The following CCHCR1 variants were observed in gnomAD, a reference collection of about 807,000 sequenced individuals.
CCHCR1 encodes the protein coiled-coil alpha-helical rod protein 1.
Under a neutral mutation model 114.6 loss-of-function variants are expected in CCHCR1, and 91 were observed. The ratio of observed to expected loss-of-function variants is 0.79; its 90% CI spans 0.67 to 0.94. CCHCR1 has a LOEUF of 0.94. Among genes scored for constraint, CCHCR1 ranks in the 40% least tolerant of loss-of-function variants. The probability of loss-of-function intolerance (pLI) is 0.00; values close to 1 mark genes in which losing one functional copy is unlikely to be tolerated. For missense variants in CCHCR1, 899 were observed against 1,079.9 expected (o/e 0.83, Z 2.35); for synonymous variants, 379 against 428.5 (o/e 0.88, Z 1.43).
chr6:31,143,033 G>C lies in CCHCR1; in HGVS notation c.2421C>G (p.Ser807Arg). Residue 807 changes from serine (S) to arginine (R), a missense_variant, in exon 17 of 18, where the codon AGC becomes AGG. By Grantham distance (110) the Ser-to-Arg change is moderately radical. Transcript: ENST00000396268. The surrounding 1 kb of genome is among the most constrained non-coding windows in gnomAD (Gnocchi z 5.3). ...ATGCTGAACACTCTGGAGGCCTGGGGCTGGACACCACAGATTTCTTCTTAT... is the reference window on the plus strand; with the variant it reads ...ATGCTGAACACTCTGGAGGCCTGGGCCTGGACACCACAGATTTCTTCTTAT... ...LLDKKKSVVS[S>R]PRPPECSASA... The C allele has an allele frequency of 6.2e-7, 1 of 1,613,068 alleles. No individual in the cohort carries two copies. Among genetic ancestry groups the C allele is most frequent in the Non-Finnish European group, 8.5e-7 (1 of 1,180,022 alleles).
chr6:31,145,719 A>T lies in CCHCR1; in HGVS notation c.1670T>A (p.Val557Asp). 1 of 1,613,696 alleles carries T rather than the reference A, an allele frequency of 6.2e-7. No homozygotes were observed. Among genetic ancestry groups the T allele is most frequent in the Non-Finnish European group, 8.5e-7 (1 of 1,179,824 alleles). Reference protein sequence around the residue: ...PSLNNRLSYAVRKVHTIRGLI... With the variant: ...PSLNNRLSYADRKVHTIRGLI... Reference sequence around the variant, plus strand: ...ACCCCGAATGGTGTGGACCTTGCGGACAGCATAGCTGAGTCGGTTGTTGAG... The same window carrying T: ...ACCCCGAATGGTGTGGACCTTGCGGTCAGCATAGCTGAGTCGGTTGTTGAG... Residue 557 changes from valine (V) to aspartate (D), a missense_variant, in exon 11 of 18, where the codon GTC (valine) becomes GAC (aspartate). Val to Asp is a radical substitution (Grantham distance 152, BLOSUM62 -3). Transcript: ENST00000396268.
chr6:31,145,285 G>T lies in CCHCR1; in HGVS notation c.1757C>A (p.Pro586Gln). The T allele has an allele frequency of 6.2e-7, 1 of 1,613,932 alleles. No homozygotes were observed. Residue 586 changes from proline to glutamine, a missense_variant, in exon 13 of 18, where the codon CCG (proline) becomes CAG (glutamine). Pro to Gln is a moderately conservative substitution (Grantham distance 76). Coordinates refer to ENST00000396268, the MANE Select transcript of CCHCR1 (RefSeq NM_001105564.2). ...LRQESCPLPP[P>Q]VTDVSLELQQ... ...CAACTCAAGGCTCACGTCTGTGACC[G>T]GTGGTGGTAGGGGACAGCTGGGACG... is the stretch of plus-strand genomic sequence containing the variant.
Position 31,154,811 on chromosome 6 carries a change from G to C in CCHCR1, c.498-12C>G. On this transcript the variant is annotated splice_polypyrimidine_tract_variant and intron_variant, in intron 3 of 17. Coordinates refer to ENST00000396268, the MANE Select transcript of CCHCR1 (RefSeq NM_001105564.2). This position sits in a 1 kb window ranked among gnomAD's most constrained non-coding sequence, Gnocchi z 4.1. ...CCAGCCCCCAGGACCTTCAAAGACA[G>C]GTTAGTGCAGGTGAGACTTGTCTCC... is the stretch of plus-strand genomic sequence containing the variant. 1.3e-6 allele frequency: 2 copies of C among 1,590,876 alleles called. No homozygotes were observed. The highest frequency in any genetic ancestry group is 1.7e-6 in the Non-Finnish European group (2 of 1,173,374).
chr6:31,152,757 T>G (rs973434556), intron 4 of CCHCR1, among the ~76,000 whole-genome samples: 2 of 152,028 alleles, frequency 1.3e-5, no homozygotes, highest in Admixed American at 6.5e-5. Context: ...ATTACAGGTA[T>G]GAGCCACTGT....
At position 31,144,127 on chromosome 6, in the gene CCHCR1, G is replaced by A. The variant is rs1297249796; in HGVS notation, c.2167+560C>T. Reference sequence around the variant, plus strand: ...ATTCAAAAGATGTACAAATATGTGTGTATATAGATAAGAGACCAAATGTGG... The same window carrying A: ...ATTCAAAAGATGTACAAATATGTGTATATATAGATAAGAGACCAAATGTGG... On this transcript the variant is annotated intron_variant, in intron 15 of 17. Transcript: ENST00000396268. The surrounding 1 kb of genome is among the most constrained non-coding windows in gnomAD (Gnocchi z 4.6). Among the ~76,000 whole-genome samples the A allele has an allele frequency of 6.6e-6, 1 of 152,232 alleles. No individual in the cohort carries two copies. The highest frequency in any genetic ancestry group is 1.5e-5 in the Non-Finnish European group (1 of 68,038).
At position 31,150,053 on chromosome 6, in the gene CCHCR1, A is replaced by C. The variant is rs1398357417; in HGVS notation, c.1362+13T>G. ...CTGGGAGGGAATACCGGGAGAAAAG[A>C]GAGTGCAGTGACCTGTCCCTTCAGC... is the stretch of plus-strand genomic sequence containing the variant. On this transcript the variant is annotated intron_variant, in intron 8 of 17. Transcript: ENST00000396268. This position sits in a 1 kb window ranked among gnomAD's most constrained non-coding sequence, Gnocchi z 5.3. The C allele has an allele frequency of 1.2e-6, 2 of 1,613,476 alleles. No individual in the cohort carries two copies.
upstream of CCHCR1, chr6:31,158,185 A>G (rs886220516): frequency 6.8e-6 from 1 of 147,076 alleles, no homozygotes; most frequent in Non-Finnish European, 1.5e-5. Flanking sequence ...AGAGCCCCCT[A>G]CTGCGCTTTG....
Position 31,150,730 on chromosome 6 carries a change from T to A in CCHCR1, c.1096A>T (p.Met366Leu). Residue 366 changes from methionine to leucine, a missense_variant, in exon 6 of 18, where the codon ATG becomes TTG. Physicochemically the swap from Met to Leu is conservative, Grantham distance 15 (BLOSUM62 2). Coordinates refer to ENST00000396268, the MANE Select transcript of CCHCR1 (RefSeq NM_001105564.2). This position sits in a 1 kb window ranked among gnomAD's most constrained non-coding sequence, Gnocchi z 5.3. The part of the protein sequence containing the change: ...ELERQKLLET[M>L]QHLQEDRDSL... ...ATACATTCCTGCACCCTCACCTGCA[T>A]GGTTTCCAGAAGCTTCTGTCGCTCC... 6.2e-7 allele frequency: 1 copy of A among 1,612,588 alleles called. No individual in the cohort carries two copies. Among genetic ancestry groups the A allele is most frequent in the Non-Finnish European group, 8.5e-7 (1 of 1,179,724 alleles).
Position 31,144,828 on chromosome 6 carries a change from T to C in CCHCR1, c.2066-40A>G, listed in dbSNP as rs866756226. 1 of 1,609,416 alleles carries C rather than the reference T, an allele frequency of 6.2e-7. No individual in the cohort carries two copies. Among genetic ancestry groups the C allele is most frequent in the South Asian group, 1.1e-5 (1 of 90,976 alleles). On this transcript the variant is annotated intron_variant, in intron 14 of 17. Coordinates refer to ENST00000396268, the MANE Select transcript of CCHCR1 (RefSeq NM_001105564.2). The surrounding 1 kb of genome is among the most constrained non-coding windows in gnomAD (Gnocchi z 4.6). Reference sequence around the variant, plus strand: ...CAGACGGGGCATATCAGCAGGAGCTTTGATTCGCAGTTCCCACCCCACCCT... The same window carrying C: ...CAGACGGGGCATATCAGCAGGAGCTCTGATTCGCAGTTCCCACCCCACCCT...
rs1775266772 is a variant in CCHCR1 at position 31,151,810 on chromosome 6, A to G, written c.802-688T>C. Among the ~76,000 whole-genome samples, 1 of 152,138 alleles carries G rather than the reference A, an allele frequency of 6.6e-6. No homozygotes were observed. The highest frequency in any genetic ancestry group is 2.4e-5 in the African/African-American group (1 of 41,420). ...GTGTCTTTTGCTCATGGCACCTCAAAGGGTTGCAGGGGTGTCAGAGCCACC... is the reference window on the plus strand; with the variant it reads ...GTGTCTTTTGCTCATGGCACCTCAAGGGGTTGCAGGGGTGTCAGAGCCACC... On this transcript the variant is annotated intron_variant, in intron 4 of 17. Transcript: ENST00000396268. This position sits in a 1 kb window ranked among gnomAD's most constrained non-coding sequence, Gnocchi z 4.1.
Position 31,157,404 on chromosome 6 carries a change from T to G in CCHCR1, c.197A>C (p.His66Pro). Reference protein sequence around the residue: ...FSPLARSSRDHRNLRRRGNID... With the variant: ...FSPLARSSRDPRNLRRRGNID... The stretch of plus-strand genomic sequence containing the variant: ...CTCTACCCTCCTCCTTAAGTTTCTA[T>G]GGTCCCTGCTGCTCCTGGCCAGAGG... Residue 66 changes from histidine (H) to proline (P), a missense_variant, in exon 1 of 18, where the codon CAT (histidine) becomes CCT (proline). Physicochemically the swap from His to Pro is moderately conservative, Grantham distance 77. Coordinates refer to ENST00000396268, the MANE Select transcript of CCHCR1 (RefSeq NM_001105564.2). The G allele has an allele frequency of 6.2e-7, 1 of 1,612,968 alleles. No homozygotes were observed. Among genetic ancestry groups the G allele is most frequent in the Non-Finnish European group, 8.5e-7 (1 of 1,179,924 alleles).
intron 3 of CCHCR1, among the ~76,000 whole-genome samples, chr6:31,155,038 T>C (rs1775788783): frequency 6.6e-6 from 1 of 152,160 alleles, no homozygotes; most frequent in Non-Finnish European, 1.5e-5. Context: ...CTGGCTGAGA[T>C]CGTGGAACAT....
At chr6:31,152,306 C>T (rs1264478491) in intron 4 of CCHCR1, among the ~76,000 whole-genome samples, 1 of 147,678 alleles carries the variant, frequency 6.8e-6, no homozygotes, top group Non-Finnish European at 1.5e-5. Context: ...AACAACCTTT[C>T]AACGGTTGCT....
rs904595867 is a variant in CCHCR1, at chr6:31,143,820, G to C, written c.2168-407C>G. ...TCACGCCTATAATCCCAGCACTTTG[G>C]GATGCCAAGGCGGGCGGATCACGAG... is the stretch of plus-strand genomic sequence containing the variant. On this transcript the variant is annotated intron_variant, in intron 15 of 17. Transcript: ENST00000396268. This position sits in a 1 kb window ranked among gnomAD's most constrained non-coding sequence, Gnocchi z 5.3. 2.6e-5 allele frequency among the ~76,000 whole-genome samples: 4 copies of C among 152,162 alleles called. No homozygotes were observed. Among genetic ancestry groups the C allele is most frequent in the Non-Finnish European group, 5.9e-5 (4 of 68,034 alleles).
At position 31,150,218 on chromosome 6, in the gene CCHCR1, G is replaced by A. The variant is rs757180023; in HGVS notation, c.1213-3C>T. ...TCCAGGGAATCTGAAGGTTGAACCT[G>A]AGGGAGAAGGAGTGGGAGAAAAGTG... On this transcript the variant is annotated splice_region_variant and splice_polypyrimidine_tract_variant and intron_variant, in intron 7 of 17. Coordinates refer to ENST00000396268, the MANE Select transcript of CCHCR1 (RefSeq NM_001105564.2). This position sits in a 1 kb window ranked among gnomAD's most constrained non-coding sequence, Gnocchi z 5.3. 1.9e-6 allele frequency: 3 copies of A among 1,613,960 alleles called. No individual in the cohort carries two copies. In the East Asian group the frequency reaches 6.7e-5, roughly 36 times the overall value.
Position 31,144,538 on chromosome 6 carries a change from A to G in CCHCR1, c.2167+149T>C. On this transcript the variant is annotated intron_variant, in intron 15 of 17. Coordinates refer to ENST00000396268, the MANE Select transcript of CCHCR1 (RefSeq NM_001105564.2). This position sits in a 1 kb window ranked among gnomAD's most constrained non-coding sequence, Gnocchi z 4.6. ...TGGTGCTGGCTACATGGGTGTGTTC[A>G]CGATGTGATAATTCATCTGTGCTAC... The G allele has an allele frequency of 1.5e-6, 1 of 653,574 alleles. No homozygotes were observed. The highest frequency in any genetic ancestry group is 1.9e-5 in the South Asian group (1 of 52,522). The allele number at this position is 653,574 out of a possible 1,614,324, so 40.5% of individuals were successfully genotyped here.
rs370617162 is a variant in CCHCR1, at chr6:31,153,680, A to G, written c.801+816T>C. On this transcript the variant is annotated intron_variant, in intron 4 of 17. Coordinates refer to ENST00000396268, the MANE Select transcript of CCHCR1 (RefSeq NM_001105564.2). ...CTGCAACCTCCACTGCCCAGGTTCA[A>G]GTGATTCTCCTGCCTCGGCCTCCCA... Among the ~76,000 whole-genome samples the G allele has an allele frequency of 5.6e-4, 86 of 152,264 alleles. 3 individuals are homozygous for G. The South Asian group carries it at 0.015, about 26-fold the overall frequency.
chr6:31,148,625 C>A lies in CCHCR1; in HGVS notation c.1466G>T (p.Gly489Val). Residue 489 changes from glycine (G) to valine (V), a missense_variant, in exon 9 of 18, where the codon GGT becomes GTT. Gly to Val is a moderately radical substitution (Grantham distance 109). Coordinates refer to ENST00000396268, the MANE Select transcript of CCHCR1 (RefSeq NM_001105564.2). ...KAAEVEVERMGAKGLQLELSR... is the reference protein window; with the variant it reads ...KAAEVEVERMVAKGLQLELSR... ...TAGTAGGCTGACACCAACCTTGGCA[C>A]CCATACGCTCCACCTCCACCTCTGC... The A allele has an allele frequency of 1.2e-6, 2 of 1,611,170 alleles. No homozygotes were observed. The highest frequency in any genetic ancestry group is 1.7e-6 in the Non-Finnish European group (2 of 1,178,264).
chr6:31,154,766 G>A lies in CCHCR1; in HGVS notation c.531C>T (p.Ser177=). Residue 177 remains serine (S), a synonymous_variant, in exon 4 of 18, where the codon AGC becomes AGT. Transcript: ENST00000396268. The surrounding 1 kb of genome is among the most constrained non-coding windows in gnomAD (Gnocchi z 4.1). ...GCCGAACGATCACCTCAGCCTGCTG[G>A]CTCAGGGCCTGTGACCCCTCCAGCC... ...SWGLEGSQAL[S]QQAEVIVRQL... The A allele has an allele frequency of 6.2e-7, 1 of 1,605,906 alleles. No homozygotes were observed. Among genetic ancestry groups the A allele is most frequent in the Non-Finnish European group, 8.5e-7 (1 of 1,179,848 alleles).
Sources: gnomAD v4.1 joint callset for allele counts (sites outside exome capture counted in the v4.1 genomes callset) on GRCh38, gnomAD v4.1.1 for gene constraint, Gnocchi (gnomAD v3.1) non-coding constraint, MANE v1.5 for transcripts, NCBI Gene and HGNC (gene_info 2026-07-23, HGNC 2026-07-21) for gene names.